Variants in JMJD1C observed in about 807,000 individuals in gnomAD.
The protein encoded by JMJD1C is jumonji domain-containing protein 1C.
In JMJD1C, 31 loss-of-function variants were observed where a neutral mutation model predicts 245.3. The ratio of observed to expected loss-of-function variants is 0.13; its 90% CI spans 0.09 to 0.17. The LOEUF (loss-of-function observed/expected upper bound fraction) is 0.17. Among genes scored for constraint, JMJD1C ranks in the 10% least tolerant of loss-of-function variants. The pLI, the probability that JMJD1C is intolerant of heterozygous loss-of-function variation, is 1.00. For synonymous variants in JMJD1C, 1,057 were observed against 1,017.4 expected (o/e 1.04, Z -0.74); for missense variants, 2,691 against 3,000.2 (o/e 0.90, Z 2.41).
intron 1 of JMJD1C, among the ~76,000 whole-genome samples, chr10:63,404,114 CAA>C (rs779807728): frequency 7.2e-6 from 1 of 139,430 alleles, no homozygotes. Context: ...GACTCCATCT[CAA>C]AAAAAAAAAG....
At chr10:63,496,520 G>A (rs150258917) in intron 1 of JMJD1C, among the ~76,000 whole-genome samples, 102 of 152,160 alleles carry the variant, frequency 6.7e-4, no homozygotes, top group African/African-American at 2.3e-3. Flanking sequence ...CTAAATATTT[G>A]CAGACTGTGG....
intron 1 of JMJD1C, among the ~76,000 whole-genome samples, chr10:63,500,668 G>A (rs1954517376): frequency 6.6e-6 from 1 of 152,052 alleles, no homozygotes; most frequent in Admixed American, 6.5e-5. Context: ...GGAGGCAGAG[G>A]TTGCAGTGAG....
chr10:63,207,869 G>T lies in JMJD1C; in HGVS notation c.3800C>A (p.Ser1267Tyr). 1.9e-6 allele frequency: 3 copies of T among 1,614,100 alleles called. No individual in the cohort carries two copies. Among genetic ancestry groups the T allele is most frequent in the Non-Finnish European group, 2.5e-6 (3 of 1,179,986 alleles). The change falls in exon 10 of 26, where the codon TCT (serine) becomes TAT (tyrosine). Residue 1267 changes from serine to tyrosine, a missense_variant. Transcript: ENST00000399262. ...CATCTCCGTCAAACTCTGTTCTGAAGAACTCTTAAAATTTGCCTGGGAGTC... is the reference window on the plus strand; with the variant it reads ...CATCTCCGTCAAACTCTGTTCTGAATAACTCTTAAAATTTGCCTGGGAGTC... ...PKDSQANFKSSSEQSLTEMWR... is the reference protein window; with the variant it reads ...PKDSQANFKSYSEQSLTEMWR...
intron 1 of JMJD1C, among the ~76,000 whole-genome samples, chr10:63,423,483 G>A (rs1195699662): frequency 6.6e-6 from 1 of 152,172 alleles, no homozygotes; most frequent in Non-Finnish European, 1.5e-5. Context: ...TCATGCCTCA[G>A]AACTTCCTTT....
In JMJD1C at chr10:63,214,688, C is replaced by A; in HGVS notation, c.1479G>T (p.Leu493Phe). Residue 493 changes from leucine (L) to phenylalanine (F), a missense_variant, in exon 8 of 26, where the codon TTG becomes TTT. By Grantham distance (22) the Leu-to-Phe change is conservative (BLOSUM62 0). This residue lies in a region of JMJD1C where 1,562 missense variants were observed against 1,490.7 expected (regional missense o/e 1.05). Transcript: ENST00000399262. ...CNMDKTHTME[L>F]LPKEKFVSRP... ...TGGATACAAACTTCTCCTTTGGTAG[C>A]AATTCCATGGTATGTGTTTTATCCA... 1 of 1,613,860 alleles carries A rather than the reference C, an allele frequency of 6.2e-7. No individual in the cohort carries two copies. The highest frequency in any genetic ancestry group is 8.5e-7 in the Non-Finnish European group (1 of 1,179,850).
At chr10:63,350,073 TTAATA>T (rs1944217492) in intron 2 of JMJD1C, among the ~76,000 whole-genome samples, 1 of 152,194 alleles carries the variant, frequency 6.6e-6, no homozygotes, top group African/African-American at 2.4e-5. Flanking sequence ...GAATAAGATT[TTAATA>T]TATTATTCAC....
chr10:63,305,459 C>CTCTCTCT (rs1937978126), intron 2 of JMJD1C, among the ~76,000 whole-genome samples: 21 of 113,086 alleles, frequency 1.9e-4, no homozygotes, highest in African/African-American at 6.4e-4. Context: ...ACGCTCTGAC[C>CTCTCTCT]CTCTCTCTCT....
intron 2 of JMJD1C, among the ~76,000 whole-genome samples, chr10:63,266,546 TA>T (rs1855595329): frequency 6.6e-6 from 1 of 152,146 alleles, no homozygotes; most frequent in South Asian, 2.1e-4. Flanking sequence ...ATCCCTACTG[TA>T]AAAAATGTTT....
At chr10:63,248,463 G>C (rs1852558590) in intron 3 of JMJD1C, among the ~76,000 whole-genome samples, 1 of 151,944 alleles carries the variant, frequency 6.6e-6, no homozygotes, top group Non-Finnish European at 1.5e-5. Flanking sequence ...AGAGGTTGCA[G>C]TGAGCTCAGA....
chr10:63,197,338 T>C, intron 13 of JMJD1C, 73 bp downstream of exon 13: 2 of 1,260,288 alleles, frequency 1.6e-6, no homozygotes, highest in East Asian at 2.5e-5. Flanking sequence ...AAAAAACACA[T>C]CTCATGTTCT....
rs900499883 is a variant in JMJD1C, at chr10:63,211,720, G to A, written c.2694+1753C>T. On this transcript the variant is annotated intron_variant, in intron 8 of 25. Coordinates refer to ENST00000399262, the MANE Select transcript of JMJD1C (RefSeq NM_032776.3). ...TTAACTTCAGAAAGCTGTCAAAAAA[G>A]ATGACATTAAGATGTTAAAAACACC... Among the ~76,000 whole-genome samples the A allele has an allele frequency of 3.5e-5, 5 of 144,108 alleles. No homozygotes were observed. The East Asian group carries it at 1.1e-3, about 31-fold the overall frequency. The allele number at this position is 144,108 out of a possible 152,430, so 94.5% of individuals were successfully genotyped here.
chr10:63,400,580 C>T (rs950154548), intron 1 of JMJD1C, among the ~76,000 whole-genome samples: 11 of 152,038 alleles, frequency 7.2e-5, no homozygotes, highest in African/African-American at 2.2e-4. Context: ...CCCCCGGCCC[C>T]GAGATGGAGT....
intron 1 of JMJD1C, among the ~76,000 whole-genome samples, chr10:63,477,056 C>T (rs1953685006): frequency 6.6e-6 from 1 of 152,134 alleles, no homozygotes; most frequent in Non-Finnish European, 1.5e-5. Flanking sequence ...GTAGACCTCT[C>T]TCAAAAAGAT....
At chr10:63,336,216 T>C (rs1351185131) in intron 2 of JMJD1C, among the ~76,000 whole-genome samples, 1 of 151,962 alleles carries the variant, frequency 6.6e-6, no homozygotes, top group Non-Finnish European at 1.5e-5. Context: ...TCTCAGCACT[T>C]TGGGAGGCCG....
chr10:63,439,976 G>A (rs1951273262), intron 1 of JMJD1C, among the ~76,000 whole-genome samples: 1 of 152,194 alleles, frequency 6.6e-6, no homozygotes. Flanking sequence ...GTGACAGTGA[G>A]ATATGAAAGC....
intron 3 of JMJD1C, among the ~76,000 whole-genome samples, chr10:63,247,337 A>T (rs1852350640): frequency 6.6e-6 from 1 of 152,130 alleles, no homozygotes; most frequent in Non-Finnish European, 1.5e-5. Context: ...CAAATTGAAA[A>T]ACCCAGAAAA....
chr10:63,349,332 T>C (rs905971276), intron 2 of JMJD1C, among the ~76,000 whole-genome samples: 4 of 152,160 alleles, frequency 2.6e-5, no homozygotes, highest in Non-Finnish European at 5.9e-5. Flanking sequence ...TAAGACAGTG[T>C]TTTTACACAA....
chr10:63,434,136 C>T (rs1235950541), intron 1 of JMJD1C, among the ~76,000 whole-genome samples: 1 of 152,106 alleles, frequency 6.6e-6, no homozygotes, highest in Non-Finnish European at 1.5e-5. Context: ...TTGGGGCTAA[C>T]ATCTATTGGG....
At chr10:63,450,792 T>C (rs35506078) in intron 1 of JMJD1C, among the ~76,000 whole-genome samples, 36,266 of 152,066 alleles carry the variant, frequency 0.24, 5,344 homozygotes, top group Non-Finnish European at 0.32. Flanking sequence ...CCACTTCTAT[T>C]CAACGCAGCA....
Sources: allele counts gnomAD v4.1 joint callset (sites outside exome capture counted in the v4.1 genomes callset), GRCh38; gene constraint gnomAD v4.1.1; regional missense constraint gnomAD v4.1.1; transcripts MANE v1.5; gene names NCBI Gene and HGNC (gene_info 2026-07-23, HGNC 2026-07-21).